RALGPS2: variants seen among roughly 807,000 people sequenced by gnomAD.
The protein encoded by RALGPS2 is Ral GEF with PH domain and SH3 binding motif 2, also known as ras-specific guanine nucleotide-releasing factor RalGPS2.
In RALGPS2, 43 loss-of-function variants were observed where a neutral mutation model predicts 86.8. The ratio of observed to expected loss-of-function variants is 0.50; its 90% CI spans 0.39 to 0.64. The LOEUF is 0.64. Ranked by LOEUF, RALGPS2 falls within the 30% of genes least tolerant of loss-of-function variation. The probability of loss-of-function intolerance (pLI) is 0.00; values close to 1 mark genes in which losing one functional copy is unlikely to be tolerated. For missense variants in RALGPS2, 536 were observed against 694.6 expected (o/e 0.77, Z 2.57); for synonymous variants, 243 against 231.3 (o/e 1.05, Z -0.46).
At chr1:178,893,565 A>G (rs1659810816) in intron 15 of RALGPS2, among the ~76,000 whole-genome samples, 1 of 151,752 alleles carries the variant, frequency 6.6e-6, no homozygotes, top group African/African-American at 2.4e-5. Flanking sequence ...CTATGTGGAA[A>G]ATAAGGTTGC....
chr1:178,768,866 A>G (rs537510807), intron 1 of RALGPS2, among the ~76,000 whole-genome samples: 1 of 152,306 alleles, frequency 6.6e-6, no homozygotes, highest in Admixed American at 6.5e-5. Flanking sequence ...AGTGGCCTAA[A>G]CTCATAATCC....
At chr1:178,838,789 C>G (rs1185518287) in intron 8 of RALGPS2, among the ~76,000 whole-genome samples, 2 of 152,142 alleles carry the variant, frequency 1.3e-5, no homozygotes, top group Non-Finnish European at 2.9e-5. Flanking sequence ...GAATGGCTAA[C>G]TAGAATAACC....
intron 7 of RALGPS2, among the ~76,000 whole-genome samples, chr1:178,822,788 A>G (rs887927564): frequency 1.3e-5 from 2 of 152,152 alleles, no homozygotes; most frequent in Non-Finnish European, 2.9e-5. Flanking sequence ...ATATACAGTT[A>G]TGAATTATAT....
At chr1:178,907,259 G>GTGC (rs1660425880) in intron 19 of RALGPS2, among the ~76,000 whole-genome samples, 1 of 152,166 alleles carries the variant, frequency 6.6e-6, no homozygotes. Flanking sequence ...GGAAGAGCAA[G>GTGC]TGCAGGGAGC....
chr1:178,873,197 G>A (rs1658846205), intron 8 of RALGPS2, among the ~76,000 whole-genome samples: 1 of 152,078 alleles, frequency 6.6e-6, no homozygotes, highest in Admixed American at 6.6e-5. Context: ...CAAAATAAGT[G>A]ATACATACAG....
intron 15 of RALGPS2, 45 bp from the exon 16 acceptor site, chr1:178,893,874 A>G (rs776215192): frequency 1.7e-5 from 22 of 1,268,988 alleles, no homozygotes; most frequent in South Asian, 3.9e-5. Context: ...CTTGATGACT[A>G]TTGTAGACAA....
Position 178,921,442 on chromosome 1 carries a change from T to C in RALGPS2, c.*5083T>C, listed in dbSNP as rs1647305946. The C allele has an allele frequency of 6.6e-6, 1 of 151,768 alleles. No individual in the cohort carries two copies. The highest frequency in any genetic ancestry group is 6.6e-5 in the Admixed American group (1 of 15,226). The allele number at this position is 151,768 out of a possible 1,614,324, so 9.4% of individuals were successfully genotyped here. A position where few individuals can be genotyped will look rare whatever the true frequency, so the allele number is the denominator to read the frequency against. ...TAAAATAGCTGATAATAAGTCAGAC[T>C]CTCAAGAGTTTCTGTACCTTGATTA... On this transcript the variant is annotated 3_prime_UTR_variant, in exon 20 of 20. Transcript: ENST00000367635.
At chr1:178,905,885 C>T (rs1402185841) in intron 18 of RALGPS2, among the ~76,000 whole-genome samples, 4 of 152,232 alleles carry the variant, frequency 2.6e-5, no homozygotes, top group Admixed American at 2.6e-4. Context: ...GAGAAAGTTG[C>T]CTCCTAGACT....
At chr1:178,817,345 TA>T (rs142692953) in intron 6 of RALGPS2, among the ~76,000 whole-genome samples, 7 of 98,054 alleles carry the variant, frequency 7.1e-5, no homozygotes, top group Middle Eastern at 5.1e-3. Flanking sequence ...TGTCTCAATT[TA>T]AAAAAAAAAA....
chr1:178,855,979 AAT>A (rs987034636), intron 8 of RALGPS2, among the ~76,000 whole-genome samples: 3 of 148,424 alleles, frequency 2.0e-5, no homozygotes, highest in South Asian at 2.1e-4. Flanking sequence ...ACAAAAAAGT[AAT>A]ATATATAAGA....
intron 8 of RALGPS2, among the ~76,000 whole-genome samples, chr1:178,855,818 T>C (rs1012002690): frequency 1.6e-4 from 24 of 151,720 alleles, no homozygotes; most frequent in African/African-American, 5.5e-4. Context: ...TCTTTTCTTT[T>C]TTAATTTCTT....
chr1:178,844,124 CATT>C (rs1656751001), intron 8 of RALGPS2, among the ~76,000 whole-genome samples: 3 of 152,156 alleles, frequency 2.0e-5, no homozygotes, highest in African/African-American at 4.8e-5. Context: ...AGGTAAAACT[CATT>C]ATGCAAATTG....
At chr1:178,746,811 C>A (rs372909208) in intron 1 of RALGPS2, 1 of 1,061,084 alleles carries the variant, frequency 9.4e-7, no homozygotes. Flanking sequence ...AGAACACTCT[C>A]ATTGTTCTCC....
chr1:178,773,189 A>T (rs1234645142), intron 1 of RALGPS2, among the ~76,000 whole-genome samples: 1 of 152,204 alleles, frequency 6.6e-6, no homozygotes, highest in African/African-American at 2.4e-5. Context: ...TCTCTAAAAA[A>T]ATGTAAACAG....
At chr1:178,904,419 C>A (rs529182707) in intron 18 of RALGPS2, among the ~76,000 whole-genome samples, 38 of 152,230 alleles carry the variant, frequency 2.5e-4, no homozygotes, top group African/African-American at 9.1e-4. Flanking sequence ...GTCATGAAAT[C>A]CTTGCCTAAG....
intron 1 of RALGPS2, among the ~76,000 whole-genome samples, chr1:178,739,596 T>G (rs1314940984): frequency 1.3e-5 from 2 of 152,210 alleles, no homozygotes; most frequent in African/African-American, 2.4e-5. Context: ...GGAAATACAG[T>G]ACCTTTGATG....
chr1:178,883,600 C>A, intron 11 of RALGPS2, 67 bp downstream of exon 11: 1 of 1,232,388 alleles, frequency 8.1e-7, no homozygotes, highest in Non-Finnish European at 1.2e-6. Context: ...GAATATACTC[C>A]AAAGTAAATA....
intron 16 of RALGPS2, among the ~76,000 whole-genome samples, chr1:178,897,023 T>G (rs894134976): frequency 6.6e-6 from 1 of 151,992 alleles, no homozygotes; most frequent in African/African-American, 2.4e-5. Context: ...TCTAGATCCC[T>G]GAGGAATCGC....
intron 1 of RALGPS2, among the ~76,000 whole-genome samples, chr1:178,727,398 A>G (rs989164182): frequency 7.2e-5 from 11 of 152,296 alleles, no homozygotes; most frequent in Non-Finnish European, 2.9e-5. Context: ...TTTGACTTTT[A>G]GTAATACTTT....
Sources: gnomAD v4.1 joint callset for allele counts (sites outside exome capture counted in the v4.1 genomes callset) on GRCh38, gnomAD v4.1.1 for gene constraint, MANE v1.5 for transcripts, NCBI Gene and HGNC (gene_info 2026-07-23, HGNC 2026-07-21) for gene names.